SMOX: variants seen among roughly 807,000 people sequenced by gnomAD.
SMOX encodes the protein flavin containing amine oxidase.
Under a neutral mutation model 51.0 loss-of-function variants are expected in SMOX, and 22 were observed. That is an observed-to-expected ratio of 0.43 (90% CI 0.31 to 0.62). The LOEUF (loss-of-function observed/expected upper bound fraction) is 0.62, where lower values mean the gene tolerates loss of function less well. SMOX is among the 20% of genes least tolerant of loss of function. The pLI, the probability that SMOX is intolerant of heterozygous loss-of-function variation, is 0.10. For missense variants in SMOX, 566 were observed against 777.7 expected (o/e 0.73, Z 3.24); for synonymous variants, 282 against 307.8 (o/e 0.92, Z 0.88).
At chr20:4,179,752 C>T (rs1260365347) in intron 3 of SMOX, among the ~76,000 whole-genome samples, 2 of 152,186 alleles carry the variant, frequency 1.3e-5, no homozygotes, top group African/African-American at 4.8e-5. Flanking sequence ...CTTTCCTCTT[C>T]TGTAAAATGG....
In SMOX at chr20:4,149,257, T is replaced by C. The variant is rs917787068; in HGVS notation, c.-27+280T>C. 3.3e-5 allele frequency among the ~76,000 whole-genome samples: 5 copies of C among 149,510 alleles called. 1 individual carries two copies. The highest frequency in any genetic ancestry group is 6.6e-5 in the Admixed American group (1 of 15,138). On this transcript the variant is annotated intron_variant, in intron 1 of 6. Transcript: ENST00000305958. This position sits in a 1 kb window ranked among gnomAD's most constrained non-coding sequence, Gnocchi z 6.0. ...GTGGCGGCGATCCCGGCGCCAGGGC[T>C]GCTCGGCCCGGGCCGGGCGCCGGGG...
At chr20:4,164,625 T>C (rs1434340567) in intron 1 of SMOX, among the ~76,000 whole-genome samples, 1 of 152,200 alleles carries the variant, frequency 6.6e-6, no homozygotes. Context: ...ATGATTTGTG[T>C]GTGTGTGTGT....
chr20:4,160,324 A>G (rs1383471349), intron 1 of SMOX, among the ~76,000 whole-genome samples: 1 of 151,900 alleles, frequency 6.6e-6, no homozygotes, highest in Non-Finnish European at 1.5e-5. Context: ...GCATATCAGT[A>G]TGTGGGGAGG....
At position 4,182,382 on chromosome 20, in the gene SMOX, G is replaced by C. The variant is rs1979401300; in HGVS notation, c.903G>C (p.Arg301=). The stretch of plus-strand genomic sequence containing the variant: ...GTGGCCAGGGTGGAGAGGAGCCCCG[G>C]GGGGGCAGGTGGGATGAGGATGAGC... The part of the protein sequence containing the change: ...GEGGQGGEEP[R]GGRWDEDEQW... Residue 301 remains arginine (R), a synonymous_variant, in exon 5 of 7, where the codon CGG becomes CGC. Transcript: ENST00000305958. This position sits in a 1 kb window ranked among gnomAD's most constrained non-coding sequence, Gnocchi z 8.4. 1.3e-6 allele frequency: 2 copies of C among 1,597,684 alleles called. No individual in the cohort carries two copies. The highest frequency in any genetic ancestry group is 1.3e-5 in the African/African-American group (1 of 74,676).
At chr20:4,168,942 TTTATTTTATG>T (rs1367200193) in intron 1 of SMOX, among the ~76,000 whole-genome samples, 15 of 94,254 alleles carry the variant, frequency 1.6e-4, no homozygotes, top group Non-Finnish European at 2.7e-4. Context: ...TTTATTTTAT[TTTATTTTATG>T]TTATTTTATT....
chr20:4,178,460 C>G (rs1741323), intron 3 of SMOX, among the ~76,000 whole-genome samples: 1 of 151,950 alleles, frequency 6.6e-6, no homozygotes, highest in African/African-American at 2.4e-5. Context: ...CAGTGTTGGA[C>G]AGAAGTGGCA....
chr20:4,176,772 C>T (rs1311262367), intron 2 of SMOX, among the ~76,000 whole-genome samples: 1 of 152,174 alleles, frequency 6.6e-6, no homozygotes, highest in East Asian at 1.9e-4. Flanking sequence ...GTCCGGCTCT[C>T]AGGGTTTTTT....
intron 1 of SMOX, among the ~76,000 whole-genome samples, chr20:4,164,824 C>T (rs1324766791): frequency 6.6e-6 from 1 of 152,102 alleles, no homozygotes; most frequent in Non-Finnish European, 1.5e-5. Flanking sequence ...CTGCCAGTGG[C>T]CTGGTCTGCT....
chr20:4,186,961 T>C (rs1979784328), intron 6 of SMOX: 2 of 616,140 alleles, frequency 3.2e-6, no homozygotes, highest in African/African-American at 1.8e-5. Flanking sequence ...ATTTGGAAGA[T>C]GAGAAAAGCA....
intron 1 of SMOX, among the ~76,000 whole-genome samples, chr20:4,169,821 C>T (rs1247909354): frequency 6.6e-6 from 1 of 152,120 alleles, no homozygotes; most frequent in East Asian, 1.9e-4. Context: ...CTAAGAGAAC[C>T]CAGAACCAGC....
chr20:4,156,578 A>C (rs554281349), intron 1 of SMOX, among the ~76,000 whole-genome samples: 6 of 152,094 alleles, frequency 3.9e-5, no homozygotes, highest in Non-Finnish European at 7.4e-5. Context: ...CACCTCTACC[A>C]GGAAGCTCCC....
intron 1 of SMOX, among the ~76,000 whole-genome samples, chr20:4,168,119 A>AGGG (rs1986648702): frequency 6.3e-5 from 8 of 127,238 alleles, no homozygotes; most frequent in African/African-American, 1.4e-4. Flanking sequence ...AGAGCGGGGT[A>AGGG]GGGGTGGGGG....
At chr20:4,184,516 A>G (rs1040528188) in intron 6 of SMOX, among the ~76,000 whole-genome samples, 1 of 150,886 alleles carries the variant, frequency 6.6e-6, no homozygotes, top group African/African-American at 2.4e-5. Flanking sequence ...AAAAAATCTG[A>G]AATATATATT....
At chr20:4,156,202 A>G (rs1449872670) in intron 1 of SMOX, among the ~76,000 whole-genome samples, 1 of 152,184 alleles carries the variant, frequency 6.6e-6, no homozygotes, top group East Asian at 1.9e-4. Context: ...TCCCAGCCTG[A>G]TCTGACCGTG....
At position 4,182,052 on chromosome 20, in the gene SMOX, C is replaced by T. The variant is rs375457672; in HGVS notation, c.610-37C>T. 45 of 1,586,352 alleles carry T rather than the reference C, an allele frequency of 2.8e-5. No homozygotes were observed. The highest frequency in any genetic ancestry group is 6.7e-5 in the African/African-American group (5 of 74,304). ...CGCTGCTCCTACCCCTGCCCAACCC[C>T]GGCGGTCACCTGGCTTCTCCTTGGG... On this transcript the variant is annotated intron_variant, in intron 4 of 6. Coordinates refer to ENST00000305958, the MANE Select transcript of SMOX (RefSeq NM_175839.3). The surrounding 1 kb of genome is among the most constrained non-coding windows in gnomAD (Gnocchi z 8.4).
rs1221634839 is a variant in SMOX at position 4,182,253 on chromosome 20, G to A, written c.774G>A (p.Gly258=). ...EGIPAHVIQL[G]KPVRCIHWDQ... is the part of the protein sequence containing the mutation. ...TCCCTGCCCACGTCATCCAGCTAGG[G>A]AAACCTGTCCGCTGCATTCACTGGG... Residue 258 remains glycine (G), a synonymous_variant, in exon 5 of 7, where the codon GGG becomes GGA. Coordinates refer to ENST00000305958, the MANE Select transcript of SMOX (RefSeq NM_175839.3). This position sits in a 1 kb window ranked among gnomAD's most constrained non-coding sequence, Gnocchi z 8.4. 6.2e-7 allele frequency: 1 copy of A among 1,613,714 alleles called. No individual in the cohort carries two copies. The highest frequency in any genetic ancestry group is 2.2e-5 in the East Asian group (1 of 44,850).
chr20:4,150,825 T>TA, intron 1 of SMOX, among the ~76,000 whole-genome samples: 1 of 48,438 alleles, frequency 2.1e-5, no homozygotes, highest in Non-Finnish European at 4.8e-5. Flanking sequence ...ATCTACTCAC[T>TA]TTTTTTTTTT....
In SMOX at chr20:4,177,391, C is replaced by G; in HGVS notation, c.249C>G (p.Gly83=). ...AGCTGGGAGCCACCTGGATCCATGG[C>G]TCCCATGGGAACCCTATCTATCATC... ...TFELGATWIH[G]SHGNPIYHLA... The change falls in exon 3 of 7, where the codon GGC becomes GGG. Residue 83 remains glycine (G), a synonymous_variant. Transcript: ENST00000305958. This position sits in a 1 kb window ranked among gnomAD's most constrained non-coding sequence, Gnocchi z 4.3. The G allele has an allele frequency of 6.4e-7, 1 of 1,554,668 alleles. No individual in the cohort carries two copies. The highest frequency in any genetic ancestry group is 8.7e-7 in the Non-Finnish European group (1 of 1,148,436).
chr20:4,169,084 G>A (rs67292257), intron 1 of SMOX, among the ~76,000 whole-genome samples: 11,830 of 151,960 alleles, frequency 0.078, 580 homozygotes, highest in African/African-American at 0.13. Flanking sequence ...TGTAGCTGGG[G>A]CTACAGGTAC....
Sources: allele counts gnomAD v4.1 joint callset (sites outside exome capture counted in the v4.1 genomes callset), GRCh38; gene constraint gnomAD v4.1.1; non-coding constraint Gnocchi (gnomAD v3.1); transcripts MANE v1.5; gene names NCBI Gene and HGNC (gene_info 2026-07-23, HGNC 2026-07-21).